The following UNC5A variants were observed in gnomAD, a reference collection of about 807,000 sequenced individuals.
UNC5A encodes unc-5 netrin receptor A.
In UNC5A, 20 loss-of-function variants were observed where a neutral mutation model predicts 87.4. That is an observed-to-expected ratio of 0.23 (90% CI 0.16 to 0.33). The LOEUF is 0.33. Ranked by LOEUF, UNC5A falls within the 10% of genes least tolerant of loss-of-function variation. UNC5A has a pLI of 1.00. For missense variants in UNC5A, 844 were observed against 1,133.4 expected (o/e 0.74, Z 3.67); for synonymous variants, 438 against 482.3 (o/e 0.91, Z 1.20).
rs1382646476 is a variant in UNC5A, at chr5:176,848,044, G to T, written c.71-14580G>T. Among the ~76,000 whole-genome samples the T allele has an allele frequency of 6.6e-6, 1 of 152,066 alleles. No homozygotes were observed. The highest frequency in any genetic ancestry group is 1.5e-5 in the Non-Finnish European group (1 of 67,992). On this transcript the variant is annotated intron_variant, in intron 1 of 14. Coordinates refer to ENST00000329542, the MANE Select transcript of UNC5A (RefSeq NM_133369.3). The surrounding 1 kb of genome is among the most constrained non-coding windows in gnomAD (Gnocchi z 5.8). The stretch of plus-strand genomic sequence containing the variant: ...GCCTTCCCACACCAGACCTGGGGGG[G>T]CAAGAGGAAGAGGAGGCATCCAGCA...
intron 1 of UNC5A, among the ~76,000 whole-genome samples, chr5:176,845,053 C>G (rs1040487643): frequency 1.3e-5 from 2 of 152,208 alleles, no homozygotes; most frequent in Non-Finnish European, 2.9e-5. Context: ...CATCTACTCA[C>G]GCAACCAGGC....
chr5:176,876,090 C>T (rs1435830356), intron 8 of UNC5A, among the ~76,000 whole-genome samples: 2 of 152,270 alleles, frequency 1.3e-5, no homozygotes, highest in African/African-American at 4.8e-5. Context: ...CCCTGCTGGG[C>T]TAAGAACTTC....
In UNC5A at chr5:176,866,031, C is replaced by G. The variant is rs756347079; in HGVS notation, c.293-2099C>G. ...AAGCAGATTGCTGAGAAGGTGAGAACCGAAGTGCCAGCTTGGCCTCAGAGC... is the reference window on the plus strand; with the variant it reads ...AAGCAGATTGCTGAGAAGGTGAGAAGCGAAGTGCCAGCTTGGCCTCAGAGC... On this transcript the variant is annotated intron_variant, in intron 2 of 14. Transcript: ENST00000329542. The surrounding 1 kb of genome is among the most constrained non-coding windows in gnomAD (Gnocchi z 5.0). 6.6e-6 allele frequency among the ~76,000 whole-genome samples: 1 copy of G among 152,200 alleles called. No homozygotes were observed. Among genetic ancestry groups the G allele is most frequent in the Non-Finnish European group, 1.5e-5 (1 of 68,030 alleles).
At chr5:176,872,840 C>A (rs7380627) in intron 6 of UNC5A, among the ~76,000 whole-genome samples, 1 of 134,820 alleles carries the variant, frequency 7.4e-6, no homozygotes, top group Non-Finnish European at 1.6e-5. Context: ...CCACAGCTTC[C>A]CATCTGCCCA....
chr5:176,836,235 C>T (rs1010889790), intron 1 of UNC5A, among the ~76,000 whole-genome samples: 8 of 152,120 alleles, frequency 5.3e-5, no homozygotes, highest in African/African-American at 1.2e-4. Flanking sequence ...GGACATGATG[C>T]GAAGGGGAGA....
In UNC5A at chr5:176,874,686, G is replaced by A. The variant is rs901355758; in HGVS notation, c.1378+120G>A. On this transcript the variant is annotated intron_variant, in intron 8 of 14. Transcript: ENST00000329542. This position sits in a 1 kb window ranked among gnomAD's most constrained non-coding sequence, Gnocchi z 7.6. ...TGACAGATCAGCAAGGAAAGGGGGT[G>A]GAGTTTTGGGGAGAACCCAGTCTTG... 5 of 1,174,138 alleles carry A rather than the reference G, an allele frequency of 4.3e-6. No homozygotes were observed. The East Asian group carries it at 1.1e-4, about 26-fold the overall frequency. The allele number at this position is 1,174,138 out of a possible 1,614,324, so 72.7% of individuals were successfully genotyped here.
intron 1 of UNC5A, among the ~76,000 whole-genome samples, chr5:176,826,375 C>T (rs1386111052): frequency 6.6e-6 from 1 of 152,206 alleles, no homozygotes; most frequent in Non-Finnish European, 1.5e-5. Flanking sequence ...GGGAGCAGGC[C>T]AGGCAGGCTA....
At chr5:176,835,573 A>G (rs1016619512) in intron 1 of UNC5A, among the ~76,000 whole-genome samples, 1 of 152,196 alleles carries the variant, frequency 6.6e-6, no homozygotes, top group African/African-American at 2.4e-5. Flanking sequence ...CAAACACATG[A>G]AACCAATGGG....
Position 176,841,939 on chromosome 5 carries a change from G to A in UNC5A, c.71-20685G>A, listed in dbSNP as rs772676. On this transcript the variant is annotated intron_variant, in intron 1 of 14. Transcript: ENST00000329542. The surrounding 1 kb of genome is among the most constrained non-coding windows in gnomAD (Gnocchi z 4.1). ...AAGGCCGGGTGCGGTGGCTCACGCC[G>A]GTAATCCCAGCACTTTGGGAGGCCG... Among the ~76,000 whole-genome samples, 6 of 152,056 alleles carry A rather than the reference G, an allele frequency of 3.9e-5. No individual in the cohort carries two copies. The South Asian group carries it at 6.2e-4, about 16-fold the overall frequency.
In UNC5A at chr5:176,859,099, G is replaced by C. The variant is rs541985955; in HGVS notation, c.71-3525G>C. Among the ~76,000 whole-genome samples, 763 of 138,008 alleles carry C rather than the reference G, an allele frequency of 5.5e-3. 26 individuals carry two copies. Among genetic ancestry groups the C allele is most frequent in the Non-Finnish European group, 7.7e-3 (497 of 64,566 alleles). 90.5% of individuals were successfully genotyped at this position (138,008 alleles called of 152,430 possible). A position where few individuals can be genotyped will look rare whatever the true frequency, so the allele number is the denominator to read the frequency against. ...CCCTTGCTAGAGGGCATAGCTGCTA[G>C]AATGTCCTTGCTAGAGGGCATGGCT... is the stretch of plus-strand genomic sequence containing the variant. On this transcript the variant is annotated intron_variant, in intron 1 of 14. Coordinates refer to ENST00000329542, the MANE Select transcript of UNC5A (RefSeq NM_133369.3).
chr5:176,861,293 G>C (rs1029632814), intron 1 of UNC5A, among the ~76,000 whole-genome samples: 1 of 152,206 alleles, frequency 6.6e-6, no homozygotes, highest in African/African-American at 2.4e-5. Flanking sequence ...ACAGCCTTAA[G>C]AACTGGGCAC....
intron 1 of UNC5A, among the ~76,000 whole-genome samples, chr5:176,851,232 G>T (rs1280942588): frequency 1.3e-5 from 2 of 152,244 alleles, no homozygotes; most frequent in African/African-American, 2.4e-5. Context: ...TCTTAGAATT[G>T]TTGTGAGGGT....
chr5:176,822,562 G>A (rs376973803), intron 1 of UNC5A, among the ~76,000 whole-genome samples: 2 of 152,304 alleles, frequency 1.3e-5, no homozygotes, highest in South Asian at 2.1e-4. Context: ...CTGAGAGCCC[G>A]GGTGTGTCTC....
chr5:176,865,637 C>T lies in UNC5A; in HGVS notation c.293-2493C>T, dbSNP rs1161917500. 2 of 456,662 alleles carry T rather than the reference C, an allele frequency of 4.4e-6. No homozygotes were observed. The highest frequency in any genetic ancestry group is 8.8e-6 in the Non-Finnish European group (2 of 227,006). 28.3% of individuals were successfully genotyped at this position (456,662 alleles called of 1,614,324 possible). A position where few individuals can be genotyped will look rare whatever the true frequency, so the allele number is the denominator to read the frequency against. ...CTTTGAGGTGAAGAAAAAGGCTTTCCTTACCCACGGCAGATACCACGGCAG... is the reference window on the plus strand; with the variant it reads ...CTTTGAGGTGAAGAAAAAGGCTTTCTTTACCCACGGCAGATACCACGGCAG... On this transcript the variant is annotated intron_variant, in intron 2 of 14. Transcript: ENST00000329542. The surrounding 1 kb of genome is among the most constrained non-coding windows in gnomAD (Gnocchi z 5.3).
intron 1 of UNC5A, among the ~76,000 whole-genome samples, chr5:176,823,935 C>G (rs1756790314): frequency 6.6e-6 from 1 of 152,206 alleles, no homozygotes; most frequent in Admixed American, 6.5e-5. Flanking sequence ...AGCACCTCCA[C>G]CCTCCTTTGG....
At chr5:176,872,124 C>T (rs4976657) in intron 6 of UNC5A, among the ~76,000 whole-genome samples, 11 of 99,256 alleles carry the variant, frequency 1.1e-4, no homozygotes, top group African/African-American at 2.7e-4. Context: ...ACACCACAGC[C>T]TCACATCTGC....
At position 176,865,072 on chromosome 5, in the gene UNC5A, C is replaced by T. The variant is rs1470150578; in HGVS notation, c.292+2227C>T. 6.0e-6 allele frequency: 2 copies of T among 332,664 alleles called. No individual in the cohort carries two copies. The highest frequency in any genetic ancestry group is 4.2e-5 in the Admixed American group (1 of 23,862). The allele number at this position is 332,664 out of a possible 1,614,324, so 20.6% of individuals were successfully genotyped here. On this transcript the variant is annotated intron_variant, in intron 2 of 14. Coordinates refer to ENST00000329542, the MANE Select transcript of UNC5A (RefSeq NM_133369.3). The surrounding 1 kb of genome is among the most constrained non-coding windows in gnomAD (Gnocchi z 5.3). ...TCCATCCTGCCCCTTGCAGATTGGT[C>T]GGGGGAAGCCATGAAATCTCACGTG...
chr5:176,862,953 G>A (rs908966812), intron 2 of UNC5A, 108 bp downstream of exon 2: 11 of 1,346,040 alleles, frequency 8.2e-6, no homozygotes, highest in Non-Finnish European at 1.1e-5. Context: ...GACCCCGGAG[G>A]CCTTCCCCAG....
At position 176,824,918 on chromosome 5, in the gene UNC5A, C is replaced by A. The variant is rs969987740; in HGVS notation, c.70+14098C>A. On this transcript the variant is annotated intron_variant, in intron 1 of 14. Coordinates refer to ENST00000329542, the MANE Select transcript of UNC5A (RefSeq NM_133369.3). This position sits in a 1 kb window ranked among gnomAD's most constrained non-coding sequence, Gnocchi z 4.2. The stretch of plus-strand genomic sequence containing the variant: ...TCTCTTTGCCACTCACCCCCGCTCC[C>A]GTGCACACCAAGGCTGCGTCTCCCC... 6.6e-6 allele frequency among the ~76,000 whole-genome samples: 1 copy of A among 152,198 alleles called. No homozygotes were observed. Among genetic ancestry groups the A allele is most frequent in the Non-Finnish European group, 1.5e-5 (1 of 68,036 alleles).
Sources: gnomAD v4.1 joint callset for allele counts (sites outside exome capture counted in the v4.1 genomes callset) on GRCh38, gnomAD v4.1.1 for gene constraint, Gnocchi (gnomAD v3.1) non-coding constraint, MANE v1.5 for transcripts, NCBI Gene and HGNC (gene_info 2026-07-23, HGNC 2026-07-21) for gene names.